FHAD1: variants seen among roughly 807,000 people sequenced by gnomAD.
FHAD1 encodes forkhead-associated domain-containing protein 1.
FHAD1 carries 146 observed loss-of-function variants against 191.3 expected under a neutral mutation model. That is an observed-to-expected ratio of 0.76 (90% confidence interval 0.67 to 0.88). FHAD1 has a LOEUF of 0.88. FHAD1 is among the 40% of genes least tolerant of loss of function. The pLI, the probability that FHAD1 is intolerant of heterozygous loss-of-function variation, is 0.00. For missense variants in FHAD1, 1,635 were observed against 1,785.8 expected (o/e 0.92, Z 1.52); for synonymous variants, 616 against 672.3 (o/e 0.92, Z 1.29).
intron 2 of FHAD1, among the ~76,000 whole-genome samples, chr1:15,253,630 A>C (rs1647057073): frequency 6.6e-6 from 1 of 152,202 alleles, no homozygotes; most frequent in Non-Finnish European, 1.5e-5. Flanking sequence ...CTTCATTGCC[A>C]GTATATAGAA....
intron 14 of FHAD1, among the ~76,000 whole-genome samples, chr1:15,337,140 G>A (rs1347976278): frequency 6.6e-6 from 1 of 152,190 alleles, no homozygotes; most frequent in Non-Finnish European, 1.5e-5. Flanking sequence ...CAGGAGGAAG[G>A]GGGCCTCTTT....
chr1:15,289,256 G>T lies in FHAD1; in HGVS notation c.301-143G>T. On this transcript the variant is annotated intron_variant, in intron 3 of 33. Coordinates refer to ENST00000688493, the MANE Select transcript of FHAD1 (RefSeq NM_001391957.1). This position sits in a 1 kb window ranked among gnomAD's most constrained non-coding sequence, Gnocchi z 4.2. ...TCCCACTTTGGCCTCCCAAAGTGTTGGGATTATAGCTGTGTGCCACCCTGC... is the reference window on the plus strand; with the variant it reads ...TCCCACTTTGGCCTCCCAAAGTGTTTGGATTATAGCTGTGTGCCACCCTGC... The T allele has an allele frequency of 8.5e-7, 1 of 1,180,662 alleles. No homozygotes were observed. Among genetic ancestry groups the T allele is most frequent in the Non-Finnish European group, 1.2e-6 (1 of 866,056 alleles). The allele number at this position is 1,180,662 out of a possible 1,614,324, so 73.1% of individuals were successfully genotyped here. A position where few individuals can be genotyped will look rare whatever the true frequency, so the allele number is the denominator to read the frequency against.
intron 8 of FHAD1, chr1:15,315,002 G>A (rs1673854711): frequency 6.6e-6 from 1 of 151,898 alleles, no homozygotes; most frequent in African/African-American, 2.4e-5. Flanking sequence ...AGTGCATTTG[G>A]GTTACTTGTG....
intron 16 of FHAD1, chr1:15,343,672 T>C (rs762396162): frequency 2.6e-5 from 4 of 152,196 alleles, no homozygotes; most frequent in Non-Finnish European, 4.4e-5. Context: ...ATAAAGGTAA[T>C]ATTAATGATA....
At chr1:15,242,355 G>C (rs1407800032), upstream of FHAD1, among the ~76,000 whole-genome samples, 2 of 151,766 alleles carry the variant, frequency 1.3e-5, no homozygotes, top group Non-Finnish European at 2.9e-5. Context: ...TGACTTTTCT[G>C]TGCCTCAATT....
At position 15,316,593 on chromosome 1, in the gene FHAD1, A is replaced by G. The variant is rs1674538503; in HGVS notation, c.1260+126A>G. ...GGGGCTCTGTGCTTGCTTGTTTAAC[A>G]TAGTCTCATTGCTCTTTGATCTGCT... On this transcript the variant is annotated intron_variant, in intron 9 of 33. Coordinates refer to ENST00000688493, the MANE Select transcript of FHAD1 (RefSeq NM_001391957.1). This position sits in a 1 kb window ranked among gnomAD's most constrained non-coding sequence, Gnocchi z 4.3. 1 of 795,662 alleles carries G rather than the reference A, an allele frequency of 1.3e-6. No homozygotes were observed. Among genetic ancestry groups the G allele is most frequent in the Non-Finnish European group, 2.0e-6 (1 of 494,346 alleles). The allele number at this position is 795,662 out of a possible 1,614,324, so 49.3% of individuals were successfully genotyped here. A position where few individuals can be genotyped will look rare whatever the true frequency, so the allele number is the denominator to read the frequency against.
Position 15,360,698 on chromosome 1 carries a change from A to G in FHAD1, c.2957A>G (p.Asp986Gly), listed in dbSNP as rs74057316. Residue 986 changes from aspartate to glycine, a missense_variant, in exon 22 of 34, where the codon GAC becomes GGC. Transcript: ENST00000688493. ...GAGATTGCAACATTGAAGGACAATG[A>G]CCCAGGTAAGTCCGAAGGGAGGCCA... ...EGEIATLKDN[D>G]PAPKEERPQD... 6.5e-4 allele frequency: 1,007 copies of G among 1,551,506 alleles called. 11 individuals carry two copies. The African/African-American group carries it at 0.013, about 19-fold the overall frequency.
chr1:15,349,212 T>G, intron 19 of FHAD1, 63 bp downstream of exon 19: 1 of 1,275,542 alleles, frequency 7.8e-7, no homozygotes, highest in Non-Finnish European at 1.1e-6. Context: ...CCTGGGAGAG[T>G]ACAGTGGGAA....
intron 1 of FHAD1, among the ~76,000 whole-genome samples, chr1:15,247,830 A>C (rs1024557889): frequency 2.0e-5 from 3 of 152,146 alleles, no homozygotes; most frequent in African/African-American, 7.2e-5. Flanking sequence ...CCTCAACAGA[A>C]ATTTTGCTTC....
chr1:15,315,228 T>C (rs561855973), intron 8 of FHAD1: 1 of 152,256 alleles, frequency 6.6e-6, no homozygotes, highest in South Asian at 2.1e-4. Flanking sequence ...AGAAGAGAAA[T>C]GCCACCGCCA....
intron 27 of FHAD1, 147 bp downstream of exon 27, chr1:15,374,778 A>G (rs1699084353): frequency 5.0e-6 from 5 of 997,998 alleles, no homozygotes; most frequent in Admixed American, 2.8e-5. Flanking sequence ...TGGGCAGACC[A>G]TGATCTCAGA....
intron 3 of FHAD1, among the ~76,000 whole-genome samples, chr1:15,284,131 G>A (rs1661527153): frequency 6.6e-6 from 1 of 152,140 alleles, no homozygotes; most frequent in African/African-American, 2.4e-5. Flanking sequence ...TATACAAAGG[G>A]CACAGCACAG....
intron 24 of FHAD1, among the ~76,000 whole-genome samples, chr1:15,366,436 A>G (rs1054941874): frequency 1.3e-5 from 2 of 152,196 alleles, no homozygotes; most frequent in African/African-American, 4.8e-5. Flanking sequence ...CTCTGACTCA[A>G]TGCCAAGGGG....
intron 3 of FHAD1, among the ~76,000 whole-genome samples, chr1:15,281,109 G>A (rs1156855759): frequency 6.6e-6 from 1 of 152,158 alleles, no homozygotes; most frequent in Non-Finnish European, 1.5e-5. Context: ...GCCCCATTTT[G>A]AATCCTGGCA....
upstream of FHAD1, among the ~76,000 whole-genome samples, chr1:15,245,040 C>T (rs139599541): frequency 3.2e-4 from 49 of 152,214 alleles, no homozygotes; most frequent in African/African-American, 1.1e-3. Context: ...TGAGAGTGAG[C>T]GAGGGGGAGG....
chr1:15,377,523 C>A (rs531758658), intron 28 of FHAD1, among the ~76,000 whole-genome samples: 2 of 152,244 alleles, frequency 1.3e-5, no homozygotes, highest in African/African-American at 4.8e-5. Context: ...TCTTCCGACA[C>A]AACACTGGCA....
chr1:15,317,896 G>C lies in FHAD1; in HGVS notation c.1333G>C (p.Val445Leu). The change falls in exon 10 of 34, where the codon GTG (valine) becomes CTG (leucine). Residue 445 changes from valine to leucine, a missense_variant. Coordinates refer to ENST00000688493, the MANE Select transcript of FHAD1 (RefSeq NM_001391957.1). Reference protein sequence around the residue: ...ELRKSCTEQSVISRTLREKSK... With the variant: ...ELRKSCTEQSLISRTLREKSK... ...GAGGAAGAGTTGTACTGAACAAAGC[G>C]TGATCTCTAGGACTCTGAGAGAAAA... is the stretch of plus-strand genomic sequence containing the variant. 6.4e-7 allele frequency: 1 copy of C among 1,551,610 alleles called. No individual in the cohort carries two copies. The highest frequency in any genetic ancestry group is 8.7e-7 in the Non-Finnish European group (1 of 1,146,876).
At chr1:15,355,622 T>G (rs1167771639) in intron 20 of FHAD1, among the ~76,000 whole-genome samples, 2 of 152,194 alleles carry the variant, frequency 1.3e-5, no homozygotes, top group African/African-American at 4.8e-5. Context: ...GTGAATTATT[T>G]GGGACCCCTG....
At chr1:15,356,968 G>A (rs1693008262) in intron 20 of FHAD1, among the ~76,000 whole-genome samples, 1 of 152,146 alleles carries the variant, frequency 6.6e-6, no homozygotes, top group Admixed American at 6.5e-5. Context: ...GTGCTGGATG[G>A]AAGCCGATTT....
Sources: allele counts gnomAD v4.1 joint callset (sites outside exome capture counted in the v4.1 genomes callset), GRCh38; gene constraint gnomAD v4.1.1; non-coding constraint Gnocchi (gnomAD v3.1); transcripts MANE v1.5; gene names NCBI Gene and HGNC (gene_info 2026-07-23, HGNC 2026-07-21).